VPS13C: variants seen among roughly 807,000 people sequenced by gnomAD.
VPS13C encodes vacuolar protein sorting 13 homolog C, also known as intermembrane lipid transfer protein VPS13C.
A neutral mutation model predicts 456.8 loss-of-function variants in VPS13C; 358 were observed. That is an observed-to-expected ratio of 0.78 (90% confidence interval 0.72 to 0.86). The LOEUF (loss-of-function observed/expected upper bound fraction) is 0.86, where lower values mean the gene tolerates loss of function less well. VPS13C is among the 40% of genes least tolerant of loss of function. The pLI, the probability that VPS13C is intolerant of heterozygous loss-of-function variation, is 0.00. For missense variants in VPS13C, 4,818 were observed against 4,385.4 expected, an observed-to-expected ratio of 1.10 and a Z score of -2.79; for synonymous variants, 1,578 against 1,486.7, an observed-to-expected ratio of 1.06 and a Z score of -1.41.
chr15:61,888,243 T>C (rs1440005406), intron 67 of VPS13C, among the ~76,000 whole-genome samples: 1 of 152,190 alleles, frequency 6.6e-6, no homozygotes, highest in Non-Finnish European at 1.5e-5. Flanking sequence ...TTATTGCTAG[T>C]GGGAATGCAA....
At chr15:61,991,556 T>C (rs2046222956) in intron 17 of VPS13C, 117 bp downstream of exon 17, 1 of 1,175,248 alleles carries the variant, frequency 8.5e-7, no homozygotes, top group Non-Finnish European at 1.2e-6. Flanking sequence ...ATATTTACTA[T>C]ACTGAGGTAA....
chr15:61,910,367 T>C lies in VPS13C; in HGVS notation c.8716-62A>G, dbSNP rs1377319142. ...TACCGTTATATAATAAATAAGACAT[T>C]ACCTAATTAAATTTTCAATTCTGAT... On this transcript the variant is annotated intron_variant, in intron 63 of 84. Coordinates refer to ENST00000644861, the MANE Select transcript of VPS13C (RefSeq NM_020821.3). The C allele has an allele frequency of 7.2e-6, 9 of 1,243,386 alleles. No individual in the cohort carries two copies. In the South Asian group the frequency reaches 7.4e-5, roughly 10 times the overall value. 77.0% of individuals were successfully genotyped at this position (1,243,386 alleles called of 1,614,324 possible).
chr15:61,869,962 A>C (rs1200064206), intron 79 of VPS13C, among the ~76,000 whole-genome samples: 1 of 152,200 alleles, frequency 6.6e-6, no homozygotes, highest in Non-Finnish European at 1.5e-5. Flanking sequence ...TGCAACTTGC[A>C]GGTGTAAGAA....
intron 1 of VPS13C, among the ~76,000 whole-genome samples, chr15:62,053,505 A>G (rs754464528): frequency 1.3e-5 from 2 of 152,224 alleles, no homozygotes; most frequent in Non-Finnish European, 2.9e-5. Context: ...AAGATACATT[A>G]TTTAACTACC....
At chr15:61,869,953 G>A (rs1894889617) in intron 79 of VPS13C, among the ~76,000 whole-genome samples, 1 of 152,126 alleles carries the variant, frequency 6.6e-6, no homozygotes, top group Non-Finnish European at 1.5e-5. Flanking sequence ...ATCAGTACCT[G>A]CAACTTGCAG....
chr15:61,863,694 G>A (rs1566953709), intron 81 of VPS13C, 166 bp from the exon 82 acceptor site: 10 of 445,486 alleles, frequency 2.2e-5, no homozygotes. Flanking sequence ...TTCACAGCAT[G>A]TTTGTAAGTT....
intron 74 of VPS13C, among the ~76,000 whole-genome samples, chr15:61,878,031 CT>C (rs1425230305): frequency 4.6e-5 from 7 of 151,724 alleles, no homozygotes; most frequent in Admixed American, 3.3e-4. Context: ...TTAAATGTAT[CT>C]TTTATTTTCC....
intron 19 of VPS13C, 21 bp from the exon 20 acceptor site, chr15:61,984,033 AG>A (rs1567073913): frequency 6.3e-7 from 1 of 1,598,828 alleles, no homozygotes; most frequent in East Asian, 2.2e-5. Context: ...ATGAAGAACA[AG>A]GAAAGATGCA....
Position 62,023,406 on chromosome 15 carries a change from C to A in VPS13C, c.624+5G>T. The A allele has an allele frequency of 7.0e-7, 1 of 1,421,364 alleles. No individual in the cohort carries two copies. Among genetic ancestry groups the A allele is most frequent in the South Asian group, 1.4e-5 (1 of 70,200 alleles). 88.0% of individuals were successfully genotyped at this position (1,421,364 alleles called of 1,614,324 possible). A position where few individuals can be genotyped will look rare whatever the true frequency, so the allele number is the denominator to read the frequency against. On this transcript the variant is annotated splice_donor_5th_base_variant and intron_variant, in intron 8 of 84. Transcript: ENST00000644861. ...TTATTAACTGAGTAAATAAAAATTA[C>A]TTACATCATCTTCATATTTAATGTG...
At chr15:62,040,104 G>A (rs1331952488) in intron 3 of VPS13C, among the ~76,000 whole-genome samples, 1 of 152,108 alleles carries the variant, frequency 6.6e-6, no homozygotes, top group Non-Finnish European at 1.5e-5. Context: ...AAATAAGCCA[G>A]GCACAAATAG....
At chr15:62,001,594 G>A (rs1210131679) in intron 15 of VPS13C, among the ~76,000 whole-genome samples, 2 of 151,982 alleles carry the variant, frequency 1.3e-5, no homozygotes, top group East Asian at 3.9e-4. Flanking sequence ...ATGTATACAT[G>A]TGCCATGCTG....
At chr15:62,047,707 T>A (rs2048463767) in intron 1 of VPS13C, among the ~76,000 whole-genome samples, 1 of 152,176 alleles carries the variant, frequency 6.6e-6, no homozygotes, top group South Asian at 2.1e-4. Flanking sequence ...GCTGAGTACT[T>A]ATCTTGGTAA....
chr15:61,877,171 G>A (rs185308593), intron 74 of VPS13C, 117 bp from the exon 75 acceptor site: 33 of 638,950 alleles, frequency 5.2e-5, no homozygotes, highest in Middle Eastern at 4.6e-4. Context: ...AATTGACTTC[G>A]TACATTTACC....
intron 1 of VPS13C, among the ~76,000 whole-genome samples, chr15:62,048,186 T>C (rs939837431): frequency 6.6e-6 from 1 of 151,520 alleles, no homozygotes; most frequent in African/African-American, 2.4e-5. Flanking sequence ...ACATGTGCCA[T>C]GTTGGTGTGC....
intron 48 of VPS13C, chr15:61,935,856 T>C: frequency 6.6e-6 from 1 of 152,182 alleles, no homozygotes; most frequent in Non-Finnish European, 1.5e-5. Context: ...TCATTTGAAG[T>C]AACAGCTGAT....
chr15:62,000,516 G>A (rs753914841), intron 16 of VPS13C, 48 bp downstream of exon 16: 23 of 1,514,980 alleles, frequency 1.5e-5, no homozygotes, highest in Middle Eastern at 1.7e-4. Context: ...GTTTAAAAGC[G>A]GGCATTAACA....
intron 23 of VPS13C, 95 bp from the exon 24 acceptor site, chr15:61,977,294 TCAGA>T (rs1410265435): frequency 5.2e-6 from 4 of 767,508 alleles, no homozygotes; most frequent in South Asian, 2.5e-5. Flanking sequence ...TTTTAAATTG[TCAGA>T]CATTCTATGG....
intron 1 of VPS13C, among the ~76,000 whole-genome samples, chr15:62,045,172 T>C (rs2048361655): frequency 6.6e-6 from 1 of 152,136 alleles, no homozygotes; most frequent in Non-Finnish European, 1.5e-5. Flanking sequence ...GCACCCATTA[T>C]ATGTTAGGTG....
At chr15:61,906,796 A>G (rs1281197669) in intron 66 of VPS13C, 1 of 170,838 alleles carries the variant, frequency 5.9e-6, no homozygotes, top group African/African-American at 2.4e-5. Flanking sequence ...TAATCAACTC[A>G]GCTACCTAAA....
Sources: allele counts gnomAD v4.1 joint callset (sites outside exome capture counted in the v4.1 genomes callset), GRCh38; gene constraint gnomAD v4.1.1; transcripts MANE v1.5; gene names NCBI Gene and HGNC (gene_info 2026-07-23, HGNC 2026-07-21).